WDR20: variants seen among roughly 807,000 people sequenced by gnomAD.
WDR20 encodes WD repeat-containing protein 20.
In WDR20, 3 loss-of-function variants were observed where a neutral mutation model predicts 38.7. The observed-to-expected ratio is 0.08, with a 90% CI of 0.04 to 0.20. The LOEUF is 0.20. WDR20 is among the 10% of genes least tolerant of loss of function. WDR20 has a pLI of 1.00. For synonymous variants in WDR20, 298 were observed against 285.6 expected, an observed-to-expected ratio of 1.04 and a Z score of -0.44; for missense variants, 559 against 727.7, an observed-to-expected ratio of 0.77 and a Z score of 2.67.
At chr14:102,172,224 G>A (rs2060986113) in intron 1 of WDR20, among the ~76,000 whole-genome samples, 1 of 143,604 alleles carries the variant, frequency 7.0e-6, no homozygotes. Context: ...GGGTTGGGGG[G>A]TAAGGTCACA....
intron 1 of WDR20, among the ~76,000 whole-genome samples, chr14:102,181,631 T>C (rs1035378535): frequency 3.3e-5 from 5 of 152,196 alleles, no homozygotes; most frequent in African/African-American, 1.2e-4. Context: ...CACTGGGAAA[T>C]GAGTTGCTTC....
At chr14:102,165,631 CTTTTCTTTTT>C (rs2059603119) in intron 1 of WDR20, among the ~76,000 whole-genome samples, 2 of 142,848 alleles carry the variant, frequency 1.4e-5, no homozygotes, top group South Asian at 4.4e-4. Flanking sequence ...TTTTTCTTTT[CTTTTCTTTTT>C]TTTTTTTTTT....
downstream of WDR20, chr14:102,212,806 T>C: frequency 1.5e-6 from 2 of 1,350,990 alleles, no homozygotes; most frequent in Non-Finnish European, 1.9e-6. Context: ...ACTTTGAGCT[T>C]CCTCATTGAA....
intron 1 of WDR20, among the ~76,000 whole-genome samples, chr14:102,172,540 AC>A (rs1234443464): frequency 9.0e-6 from 1 of 111,360 alleles, no homozygotes. Context: ...CGGGGGGCTG[AC>A]CCCCCACCTC....
intron 2 of WDR20, among the ~76,000 whole-genome samples, chr14:102,202,683 A>G (rs1037002664): frequency 2.6e-5 from 4 of 151,868 alleles, no homozygotes; most frequent in African/African-American, 9.7e-5. Flanking sequence ...CCGGGCCTGT[A>G]CGGAGGTTTT....
At chr14:102,172,073 C>T (rs2060945385) in intron 1 of WDR20, among the ~76,000 whole-genome samples, 1 of 151,300 alleles carries the variant, frequency 6.6e-6, no homozygotes, top group Non-Finnish European at 1.5e-5. Flanking sequence ...GTGTTTGTGT[C>T]CCTGGGTACT....
At chr14:102,219,735 C>G (rs2063667327), downstream of WDR20, among the ~76,000 whole-genome samples, 1 of 152,244 alleles carries the variant, frequency 6.6e-6, no homozygotes, top group Non-Finnish European at 1.5e-5. Context: ...TGGGCACATT[C>G]TCTGCATGGC....
intron 1 of WDR20, among the ~76,000 whole-genome samples, chr14:102,172,153 C>G (rs548245967): frequency 4.6e-4 from 70 of 151,486 alleles, no homozygotes; most frequent in African/African-American, 1.4e-3. Context: ...CAAAGCACAT[C>G]TTGCACCACC....
rs998886765 is a variant in WDR20, at chr14:102,207,284, A to G, written c.433-1319A>G. On this transcript the variant is annotated intron_variant, in intron 2 of 2. Coordinates refer to ENST00000342702, the MANE Select transcript of WDR20 (RefSeq NM_144574.4). This position sits in a 1 kb window ranked among gnomAD's most constrained non-coding sequence, Gnocchi z 5.0. ...TTAGCAGCCTACTTTCTAGGGTCTA[A>G]TGTTCATGCAGTGAGCTTGCATGGC... 1.9e-4 allele frequency among the ~76,000 whole-genome samples: 29 copies of G among 152,226 alleles called. No individual in the cohort carries two copies. The highest frequency in any genetic ancestry group is 1.5e-3 in the Admixed American group (23 of 15,292).
chr14:102,150,792 TATC>T (rs1410377505), intron 1 of WDR20, among the ~76,000 whole-genome samples: 2 of 152,070 alleles, frequency 1.3e-5, no homozygotes, highest in African/African-American at 4.8e-5. Context: ...ACCTTAAGAG[TATC>T]ATCTAACCAA....
downstream of WDR20, among the ~76,000 whole-genome samples, chr14:102,224,309 G>C (rs2064159070): frequency 6.6e-6 from 1 of 151,988 alleles, no homozygotes; most frequent in Non-Finnish European, 1.5e-5. Flanking sequence ...CAAAGTGCTG[G>C]GATTACAGGC....
At chr14:102,197,838 A>C (rs969647591) in intron 2 of WDR20, 1 of 702,778 alleles carries the variant, frequency 1.4e-6, no homozygotes, top group Middle Eastern at 2.3e-4. Flanking sequence ...AGGCTCTAGT[A>C]ACTGTCCAGG....
At chr14:102,176,470 G>A (rs1413778274) in intron 1 of WDR20, among the ~76,000 whole-genome samples, 2 of 152,244 alleles carry the variant, frequency 1.3e-5, no homozygotes, top group South Asian at 2.1e-4. Context: ...AGGCCAAGGC[G>A]GGCGGATCAT....
At chr14:102,164,262 A>G (rs533177895) in intron 1 of WDR20, among the ~76,000 whole-genome samples, 27 of 152,078 alleles carry the variant, frequency 1.8e-4, no homozygotes, top group Non-Finnish European at 3.7e-4. Flanking sequence ...GCCACTTTTA[A>G]TCATTGAAGA....
chr14:102,165,747 C>T (rs2059640433), intron 1 of WDR20, among the ~76,000 whole-genome samples: 1 of 151,574 alleles, frequency 6.6e-6, no homozygotes, highest in East Asian at 1.9e-4. Context: ...GGTGATCCTC[C>T]CACCTCAGCC....
At chr14:102,200,467 T>TTTTTTTTTGTGTG (rs748066838) in intron 2 of WDR20, among the ~76,000 whole-genome samples, 1 of 117,688 alleles carries the variant, frequency 8.5e-6, no homozygotes, top group African/African-American at 3.1e-5. Context: ...ATTTTTTTTT[T>TTTTTTTTTGTGTG]TGTGTGTGTG....
At chr14:102,201,978 A>G (rs1408658374) in intron 2 of WDR20, among the ~76,000 whole-genome samples, 1 of 151,498 alleles carries the variant, frequency 6.6e-6, no homozygotes, top group African/African-American at 2.4e-5. Flanking sequence ...ACTGCTTCCC[A>G]CCAGAGCCTT....
chr14:102,165,917 G>A (rs8009258), intron 1 of WDR20, among the ~76,000 whole-genome samples: 4 of 151,784 alleles, frequency 2.6e-5, no homozygotes, highest in African/African-American at 7.3e-5. Flanking sequence ...TGGGATTACC[G>A]GCATGAGCCA....
chr14:102,218,909 C>T (rs139112447), downstream of WDR20, among the ~76,000 whole-genome samples: 5,223 of 152,332 alleles, frequency 0.034, 134 homozygotes, highest in Non-Finnish European at 0.053. Context: ...GAAGCGTGGG[C>T]GGGCTCCCCT....
Sources: allele counts gnomAD v4.1 joint callset (sites outside exome capture counted in the v4.1 genomes callset), GRCh38; gene constraint gnomAD v4.1.1; non-coding constraint Gnocchi (gnomAD v3.1); transcripts MANE v1.5; gene names NCBI Gene and HGNC (gene_info 2026-07-23, HGNC 2026-07-21).